POLK: variants seen among roughly 807,000 people sequenced by gnomAD.
The protein encoded by POLK is polymerase (DNA directed) kappa.
A neutral mutation model predicts 94.0 loss-of-function variants in POLK; 76 were observed. That is an observed-to-expected ratio of 0.81 (90% CI 0.67 to 0.98). POLK has a LOEUF of 0.98. Among genes scored for constraint, POLK ranks in the 50% least tolerant of loss-of-function variants. The pLI is 0.00. For missense variants in POLK, 954 were observed against 1,010.1 expected (o/e 0.94, Z 0.75); for synonymous variants, 349 against 325.4 (o/e 1.07, Z -0.78).
At chr5:75,524,354 G>C (rs1424304447) in intron 1 of POLK, among the ~76,000 whole-genome samples, 1 of 152,098 alleles carries the variant, frequency 6.6e-6, no homozygotes, top group African/African-American at 2.4e-5. Flanking sequence ...TAACCCATCT[G>C]AAACCAATCT....
intron 1 of POLK, among the ~76,000 whole-genome samples, chr5:75,532,071 T>C (rs1178899927): frequency 6.6e-6 from 1 of 152,220 alleles, no homozygotes; most frequent in East Asian, 1.9e-4. Context: ...CATTCCATTA[T>C]AAACCATTTT....
chr5:75,533,330 A>G (rs1769273546), intron 1 of POLK, among the ~76,000 whole-genome samples: 1 of 152,178 alleles, frequency 6.6e-6, no homozygotes, highest in Admixed American at 6.5e-5. Context: ...AGCACCATTT[A>G]TTGAATAGGG....
chr5:75,598,015 G>T, exon 15 of POLK: 1 of 1,141,656 alleles, frequency 8.8e-7, no homozygotes, highest in Non-Finnish European at 1.3e-6. Flanking sequence ...TATTTTTTAA[G>T]TAAACATTGA....
chr5:75,511,381 G>A, upstream of POLK: 1 of 1,546,730 alleles, frequency 6.5e-7, no homozygotes, highest in South Asian at 1.2e-5. Flanking sequence ...CGCCGCGCCT[G>A]ACACCGAGCG....
At chr5:75,527,028 T>C (rs1191635488) in intron 1 of POLK, among the ~76,000 whole-genome samples, 1 of 152,216 alleles carries the variant, frequency 6.6e-6, no homozygotes, top group Non-Finnish European at 1.5e-5. Context: ...GCATAAACCA[T>C]AAGATACCCC....
At chr5:75,577,608 A>T (rs1011538189) in intron 6 of POLK, among the ~76,000 whole-genome samples, 2 of 152,188 alleles carry the variant, frequency 1.3e-5, no homozygotes, top group Admixed American at 1.3e-4. Context: ...GTTCACCTGG[A>T]TGAAAAAGTG....
At chr5:75,542,319 C>G (rs1036660342) in intron 1 of POLK, among the ~76,000 whole-genome samples, 3 of 151,988 alleles carry the variant, frequency 2.0e-5, no homozygotes, top group Admixed American at 6.6e-5. Context: ...CGCCACCTCT[C>G]TCTCCCTCAC....
At chr5:75,515,236 A>T (rs1297018829) in intron 1 of POLK, among the ~76,000 whole-genome samples, 1 of 152,162 alleles carries the variant, frequency 6.6e-6, no homozygotes, top group Admixed American at 6.5e-5. Flanking sequence ...CTATCATTTT[A>T]TTTTTTGTAT....
intron 2 of POLK, among the ~76,000 whole-genome samples, chr5:75,547,801 T>C (rs975093276): frequency 2.6e-5 from 4 of 152,230 alleles, no homozygotes; most frequent in African/African-American, 9.6e-5. Flanking sequence ...ACTACAAATA[T>C]CTGAGAGTAT....
chr5:75,556,921 G>A (rs896586067), intron 3 of POLK, among the ~76,000 whole-genome samples: 6 of 152,194 alleles, frequency 3.9e-5, no homozygotes, highest in East Asian at 1.9e-4. Flanking sequence ...AAATTAACTC[G>A]GGGTGGTGGC....
At chr5:75,524,066 G>A (rs1218941616) in intron 1 of POLK, among the ~76,000 whole-genome samples, 1 of 151,478 alleles carries the variant, frequency 6.6e-6, no homozygotes, top group Non-Finnish European at 1.5e-5. Context: ...GGAGGCAGAG[G>A]TTGCAGTGAG....
chr5:75,514,248 A>G (rs1479548507), intron 1 of POLK, among the ~76,000 whole-genome samples: 5 of 152,228 alleles, frequency 3.3e-5, no homozygotes, highest in Non-Finnish European at 7.3e-5. Flanking sequence ...GTATTCTGAC[A>G]ATAATTATGT....
chr5:75,582,114 C>T lies in POLK; in HGVS notation c.934+666C>T, dbSNP rs377496261. On this transcript the variant is annotated intron_variant, in intron 7 of 14. Transcript: ENST00000241436. ...ATTACATTGCAGGAGAGAACCCAGACGGCCACAAGGTAAGAGACAAAAGAA... is the reference window on the plus strand; with the variant it reads ...ATTACATTGCAGGAGAGAACCCAGATGGCCACAAGGTAAGAGACAAAAGAA... 8.1e-5 allele frequency: 80 copies of T among 987,062 alleles called. No homozygotes were observed. In the East Asian group the frequency reaches 1.1e-3, roughly 14 times the overall value. 61.1% of individuals were successfully genotyped at this position (987,062 alleles called of 1,614,324 possible).
At chr5:75,597,130 G>A (rs771787995) in exon 13 of POLK, 3 of 1,611,624 alleles carry the variant, frequency 1.9e-6, no homozygotes, top group South Asian at 2.2e-5. Context: ...ATTAAGAAAG[G>A]ATAAATTTAA....
At chr5:75,514,011 C>G (rs1247304628) in intron 1 of POLK, among the ~76,000 whole-genome samples, 1 of 151,942 alleles carries the variant, frequency 6.6e-6, no homozygotes, top group Non-Finnish European at 1.5e-5. Flanking sequence ...TTTATTGTTT[C>G]ACTTCTACTA....
intron 3 of POLK, among the ~76,000 whole-genome samples, chr5:75,564,236 T>C (rs1771145271): frequency 6.8e-6 from 1 of 147,674 alleles, no homozygotes; most frequent in South Asian, 2.1e-4. Flanking sequence ...TTTTTCTTCT[T>C]TCTTTCTTTC....
At chr5:75,590,368 G>C in exon 11 of POLK, 1 of 1,596,610 alleles carries the variant, frequency 6.3e-7, no homozygotes, top group Non-Finnish European at 8.6e-7. Flanking sequence ...TAAATAAAGC[G>C]GAAGAGCAAT....
rs541469084 is a variant in POLK at position 75,552,180 on chromosome 5, T to C, written c.136-292T>C. Among the ~76,000 whole-genome samples, 8 of 152,334 alleles carry C rather than the reference T, an allele frequency of 5.3e-5. No homozygotes were observed. The East Asian group carries it at 1.2e-3, about 22-fold the overall frequency. On this transcript the variant is annotated intron_variant, in intron 2 of 14. Coordinates refer to ENST00000241436, the Ensembl canonical transcript of POLK. Reference sequence around the variant, plus strand: ...TGTGGATCCTACCTAGGACATACTGTTCTTTTCTGAATGCAAACCTGTATT... The same window carrying C: ...TGTGGATCCTACCTAGGACATACTGCTCTTTTCTGAATGCAAACCTGTATT...
Position 75,587,007 on chromosome 5 carries a change from C to CT in POLK, c.1227-10dup, listed in dbSNP as rs569266111. 1,349 of 1,496,876 alleles carry CT rather than the reference C, an allele frequency of 9.0e-4. No individual in the cohort carries two copies. The highest frequency in any genetic ancestry group is 2.2e-3 in the South Asian group (170 of 78,166). The allele number at this position is 1,496,876 out of a possible 1,614,324, so 92.7% of individuals were successfully genotyped here. On this transcript the variant is annotated intron_variant, in intron 9 of 14. Transcript: ENST00000241436. ...AACTCAGTCTTTGAAAAATAAAGAC[C>CT]TTTTTTTTTCATTTCAAGGGATGGA... is the stretch of plus-strand genomic sequence containing the variant.
Sources: allele counts gnomAD v4.1 joint callset (sites outside exome capture counted in the v4.1 genomes callset), GRCh38; gene constraint gnomAD v4.1.1; transcripts MANE v1.5; gene names NCBI Gene and HGNC (gene_info 2026-07-23, HGNC 2026-07-21).